The following UGT2A3 variants were observed in gnomAD, a reference collection of about 807,000 sequenced individuals.
UGT2A3 encodes UDP glucuronosyltransferase family 2 member A3, also known as UDP-glucuronosyltransferase 2A3.
Under a neutral mutation model 44.1 loss-of-function variants are expected in UGT2A3, and 55 were observed. The observed-to-expected ratio is 1.25, with a 90% CI of 1.00 to 1.56. The LOEUF (loss-of-function observed/expected upper bound fraction) is 1.56. UGT2A3 is among the 40% of genes most tolerant of loss of function. The probability of loss-of-function intolerance (pLI) is 0.00; values close to 1 mark genes in which losing one functional copy is unlikely to be tolerated. For missense variants in UGT2A3, 733 were observed against 621.6 expected, an observed-to-expected ratio of 1.18 and a Z score of -1.91; for synonymous variants, 243 against 215.1, an observed-to-expected ratio of 1.13 and a Z score of -1.13.
rs190751807 is a variant in UGT2A3, at chr4:68,931,050, A to C, written c.1084+105T>G. Reference sequence around the variant, plus strand: ...TATATCTGCTTCAAAAGAGTAAGTAAAATAAAGTTTTATAATTTTAGATCT... The same window carrying C: ...TATATCTGCTTCAAAAGAGTAAGTACAATAAAGTTTTATAATTTTAGATCT... On this transcript the variant is annotated intron_variant, in intron 4 of 5. Transcript: ENST00000251566. The C allele has an allele frequency of 1.4e-4, 132 of 939,758 alleles. 1 individual carries two copies. In the East Asian group the frequency reaches 3.4e-3, roughly 24 times the overall value. 58.2% of individuals were successfully genotyped at this position (939,758 alleles called of 1,614,324 possible).
At chr4:68,950,554 G>A (rs925771480) in intron 1 of UGT2A3, among the ~76,000 whole-genome samples, 11 of 151,906 alleles carry the variant, frequency 7.2e-5, no homozygotes, top group African/African-American at 1.2e-4. Flanking sequence ...CCACAAGACC[G>A]TAAGTCTTTT....
rs190540609 is a variant in UGT2A3, at chr4:68,930,912, A to C, written c.1085-147T>G. The C allele has an allele frequency of 2.5e-3, 1,971 of 784,862 alleles. 4 individuals are homozygous for C. The highest frequency in any genetic ancestry group is 3.6e-3 in the Non-Finnish European group (1,816 of 509,088). The allele number at this position is 784,862 out of a possible 1,614,324, so 48.6% of individuals were successfully genotyped here. Reference sequence around the variant, plus strand: ...GGTGAGCACATGGAGCATTGCTACTAAAGATCATTTCTATCTCCAGAAAAA... The same window carrying C: ...GGTGAGCACATGGAGCATTGCTACTCAAGATCATTTCTATCTCCAGAAAAA... On this transcript the variant is annotated intron_variant, in intron 4 of 5. Coordinates refer to ENST00000251566, the MANE Select transcript of UGT2A3 (RefSeq NM_024743.4).
chr4:68,933,755 G>C (rs1255255590), intron 2 of UGT2A3, among the ~76,000 whole-genome samples: 1 of 152,032 alleles, frequency 6.6e-6, no homozygotes, highest in African/African-American at 2.4e-5. Context: ...CCTCAACTCA[G>C]AAATTACTAC....
In UGT2A3 at chr4:68,951,650, A is replaced by C; in HGVS notation, c.111T>G (p.Leu37=). The C allele has an allele frequency of 2.5e-6, 4 of 1,612,562 alleles. No individual in the cohort carries two copies. Among genetic ancestry groups the C allele is most frequent in the Non-Finnish European group, 2.5e-6 (3 of 1,179,400 alleles). ...LVWPCDMSHW[L]NVKVILEELI... is the part of the protein sequence containing the mutation. ...GCTCTTCTAGAATGACCTTGACATT[A>C]AGCCAATGGCTCATGTCACAGGGCC... is the stretch of plus-strand genomic sequence containing the variant. Residue 37 remains leucine, a synonymous_variant, in exon 1 of 6, where the codon CTT becomes CTG. Coordinates refer to ENST00000251566, the MANE Select transcript of UGT2A3 (RefSeq NM_024743.4).
At position 68,951,423 on chromosome 4, in the gene UGT2A3, A is replaced by G; in HGVS notation, c.338T>C (p.Phe113Ser). 6.2e-7 allele frequency: 1 copy of G among 1,611,668 alleles called. No individual in the cohort carries two copies. The highest frequency in any genetic ancestry group is 1.1e-5 in the South Asian group (1 of 90,904). The change falls in exon 1 of 6, where the codon TTT (phenylalanine) becomes TCT (serine). Residue 113 changes from phenylalanine to serine, a missense_variant. Phe to Ser is a radical substitution (Grantham distance 155). Coordinates refer to ENST00000251566, the MANE Select transcript of UGT2A3 (RefSeq NM_024743.4). ...TWQSVIKLND[F>S]FVEIRGTLKM... ...TAAAGTTCCTCTTATTTCAACAAAA[A>G]AATCATTTAATTTTATAACTGATTG...
rs774155560 is a variant in UGT2A3, at chr4:68,929,773, C to T, written c.*40G>A. ...CCAAATTCTATGTGGCTGGAATTAA[C>T]AGGATTACCCCATCAGGTCTTTCTT... On this transcript the variant is annotated 3_prime_UTR_variant, in exon 6 of 6. Coordinates refer to ENST00000251566, the MANE Select transcript of UGT2A3 (RefSeq NM_024743.4). 7.4e-6 allele frequency: 11 copies of T among 1,480,422 alleles called. No individual in the cohort carries two copies. The Admixed American group carries it at 1.3e-4, about 18-fold the overall frequency. 91.7% of individuals were successfully genotyped at this position (1,480,422 alleles called of 1,614,324 possible).
At chr4:68,945,792 C>T (rs922114678) in intron 1 of UGT2A3, among the ~76,000 whole-genome samples, 14 of 151,332 alleles carry the variant, frequency 9.3e-5, no homozygotes, top group African/African-American at 3.4e-4. Flanking sequence ...AGTGTATTTT[C>T]ACAACTTAAA....
chr4:68,938,651 G>A (rs1577850210), intron 2 of UGT2A3, among the ~76,000 whole-genome samples: 1 of 152,152 alleles, frequency 6.6e-6, no homozygotes, highest in Non-Finnish European at 1.5e-5. Context: ...ACAAGACAAA[G>A]ATGCCTTCTC....
intron 1 of UGT2A3, 90 bp from the exon 2 acceptor site, chr4:68,945,544 T>C: frequency 9.1e-7 from 1 of 1,094,588 alleles, no homozygotes; most frequent in East Asian, 2.6e-5. Context: ...AAGAAAAAAA[T>C]AAGTTTAAGT....
In UGT2A3 at chr4:68,950,802, C is replaced by T. The variant is rs1022607592; in HGVS notation, c.715+244G>A. ...CAAAAATATGTGATGTTGATTTGCGCTATTTGGAGGAAATACAAAATATAA... is the reference window on the plus strand; with the variant it reads ...CAAAAATATGTGATGTTGATTTGCGTTATTTGGAGGAAATACAAAATATAA... On this transcript the variant is annotated intron_variant, in intron 1 of 5. Transcript: ENST00000251566. 4.6e-5 allele frequency among the ~76,000 whole-genome samples: 7 copies of T among 151,812 alleles called. 1 individual carries two copies. The South Asian group carries it at 8.3e-4, about 18-fold the overall frequency.
chr4:68,948,446 T>C (rs1372497922), intron 1 of UGT2A3, among the ~76,000 whole-genome samples: 26 of 144,046 alleles, frequency 1.8e-4, no homozygotes, highest in South Asian at 6.7e-4. Context: ...TTTCTTTTTT[T>C]TTTTTTTTTT....
chr4:68,930,450 C>A, intron 5 of UGT2A3, 96 bp downstream of exon 5: 1 of 1,170,976 alleles, frequency 8.5e-7, no homozygotes, highest in Non-Finnish European at 1.2e-6. Flanking sequence ...GGAGTAAAAT[C>A]CCTCAACATG....
chr4:68,943,435 A>T (rs1288252298), intron 2 of UGT2A3: 15 of 733,874 alleles, frequency 2.0e-5, no homozygotes, highest in East Asian at 8.9e-5. Context: ...ATCAATACAC[A>T]TCTTACTATA....
intron 2 of UGT2A3, among the ~76,000 whole-genome samples, chr4:68,938,672 T>A (rs1384000635): frequency 1.3e-5 from 2 of 152,168 alleles, no homozygotes; most frequent in African/African-American, 4.8e-5. Context: ...TCACCACTCC[T>A]ATTCAACACA....
At chr4:68,935,846 A>G (rs1023582016) in intron 2 of UGT2A3, among the ~76,000 whole-genome samples, 4 of 152,114 alleles carry the variant, frequency 2.6e-5, no homozygotes, top group Non-Finnish European at 5.9e-5. Flanking sequence ...AACTAGAATA[A>G]ACAGTGTAGA....
chr4:68,950,147 A>G (rs1365953077), intron 1 of UGT2A3, among the ~76,000 whole-genome samples: 1 of 151,900 alleles, frequency 6.6e-6, no homozygotes, highest in Non-Finnish European at 1.5e-5. Flanking sequence ...GTTTACCTAG[A>G]TCCATAAAGC....
At chr4:68,937,684 T>A (rs11723149) in intron 2 of UGT2A3, among the ~76,000 whole-genome samples, 73,985 of 151,884 alleles carry the variant, frequency 0.49, 21,350 homozygotes, top group Non-Finnish European at 0.67. Flanking sequence ...ATTCAAAAGC[T>A]GGTAGAAGAC....
chr4:68,948,439 C>CTTTTTTTTTTTTTTTTTTTTTTGTT (rs60082800), intron 1 of UGT2A3, among the ~76,000 whole-genome samples: 1 of 110,152 alleles, frequency 9.1e-6, no homozygotes, highest in African/African-American at 3.9e-5. Flanking sequence ...TCTTTTTTTT[C>CTTTTTTTTTTTTTTTTTTTTTTGTT]TTTTTTTTTT....
chr4:68,951,462 C>G lies in UGT2A3; in HGVS notation c.299G>C (p.Gly100Ala). The change falls in exon 1 of 6, where the codon GGC (glycine) becomes GCC (alanine). Residue 100 changes from glycine (G) to alanine (A), a missense_variant. Coordinates refer to ENST00000251566, the MANE Select transcript of UGT2A3 (RefSeq NM_024743.4). ...FVDLALNVLP[G>A]LSTWQSVIKL... ...TATAACTGATTGCCAGGTTGATAAG[C>G]CTGGCAAGACATTCAGAGCTAGGTC... The G allele has an allele frequency of 2.5e-6, 4 of 1,612,440 alleles. 1 individual carries two copies. In the South Asian group the frequency reaches 3.3e-5, roughly 13 times the overall value.
Sources: gnomAD v4.1 joint callset for allele counts (sites outside exome capture counted in the v4.1 genomes callset) on GRCh38, gnomAD v4.1.1 for gene constraint, MANE v1.5 for transcripts, NCBI Gene and HGNC (gene_info 2026-07-23, HGNC 2026-07-21) for gene names.